Variants in JAKMIP2 observed in about 807,000 individuals in gnomAD.
The protein encoded by JAKMIP2 is janus kinase and microtubule interacting protein 2.
In JAKMIP2, 25 loss-of-function variants were observed where a neutral mutation model predicts 115.0. That is an observed-to-expected ratio of 0.22 (90% confidence interval 0.16 to 0.30). The LOEUF (loss-of-function observed/expected upper bound fraction) is 0.30. JAKMIP2 is among the 10% of genes least tolerant of loss of function. The pLI is 1.00. For missense variants in JAKMIP2, 642 were observed against 957.6 expected, an observed-to-expected ratio of 0.67 and a Z score of 4.35; for synonymous variants, 334 against 343.6, an observed-to-expected ratio of 0.97 and a Z score of 0.31.
intron 21 of JAKMIP2, among the ~76,000 whole-genome samples, chr5:147,598,462 T>TCATCTATCTATCAC (rs1554123567): frequency 6.7e-6 from 1 of 148,302 alleles, no homozygotes; most frequent in Non-Finnish European, 1.5e-5. Flanking sequence ...CTATCTATCA[T>TCATCTATCTATCAC]CTATCTATGT....
intron 16 of JAKMIP2, 96 bp downstream of exon 16, chr5:147,628,655 G>T: frequency 1.2e-6 from 1 of 864,972 alleles, no homozygotes; most frequent in Non-Finnish European, 1.9e-6. Flanking sequence ...TTCACACACA[G>T]TCATGTGCAG....
At chr5:147,764,959 AG>A (rs1755087312) in intron 1 of JAKMIP2, among the ~76,000 whole-genome samples, 1 of 80,558 alleles carries the variant, frequency 1.2e-5, no homozygotes, top group Non-Finnish European at 2.3e-5. Flanking sequence ...AGAGAGAGAG[AG>A]AGAGAGGGGG....
intron 1 of JAKMIP2, among the ~76,000 whole-genome samples, chr5:147,687,188 A>G (rs915316817): frequency 3.9e-5 from 6 of 152,236 alleles, no homozygotes; most frequent in African/African-American, 9.6e-5. Context: ...AATTGTCATT[A>G]TTGACCATTT....
intron 20 of JAKMIP2, among the ~76,000 whole-genome samples, chr5:147,603,179 C>T (rs1238362037): frequency 2.0e-5 from 3 of 152,158 alleles, no homozygotes; most frequent in Non-Finnish European, 4.4e-5. Context: ...GTCAGACACC[C>T]TGACCTCTGG....
chr5:147,767,319 C>T (rs1755191263), intron 1 of JAKMIP2, among the ~76,000 whole-genome samples: 1 of 152,148 alleles, frequency 6.6e-6, no homozygotes, highest in African/African-American at 2.4e-5. Flanking sequence ...GTCACAAAGT[C>T]ATAAACACAT....
At chr5:147,622,167 G>A (rs1223199784) in intron 17 of JAKMIP2, among the ~76,000 whole-genome samples, 2 of 152,168 alleles carry the variant, frequency 1.3e-5, no homozygotes, top group South Asian at 2.1e-4. Flanking sequence ...GTGCCCAGAC[G>A]AATCTTGTTA....
intron 7 of JAKMIP2, among the ~76,000 whole-genome samples, chr5:147,642,713 TTTTACA>T (rs1757938128): frequency 6.6e-6 from 1 of 152,084 alleles, no homozygotes; most frequent in Non-Finnish European, 1.5e-5. Context: ...TATATGAGAC[TTTTACA>T]ATTTACACAT....
chr5:147,762,358 A>G (rs1754958346), intron 1 of JAKMIP2, among the ~76,000 whole-genome samples: 1 of 152,120 alleles, frequency 6.6e-6, no homozygotes, highest in Admixed American at 6.6e-5. Flanking sequence ...TTATTTAATG[A>G]TTGGGCTGTG....
chr5:147,728,535 C>A lies in JAKMIP2; in HGVS notation c.-149+53921G>T, dbSNP rs144690111. On this transcript the variant is annotated intron_variant, in intron 1 of 21. Transcript: ENST00000616793. Reference sequence around the variant, plus strand: ...AACTGGCAAATGAAAAAAACTTACACGTACTGAAACTATTTCTGTCTGTGT... The same window carrying A: ...AACTGGCAAATGAAAAAAACTTACAAGTACTGAAACTATTTCTGTCTGTGT... Among the ~76,000 whole-genome samples, 1,166 of 152,204 alleles carry A rather than the reference C, an allele frequency of 7.7e-3. 9 individuals carry two copies. Among genetic ancestry groups the A allele is most frequent in the African/African-American group, 0.027 (1,107 of 41,520 alleles).
chr5:147,662,849 G>T (rs1469442064), intron 2 of JAKMIP2, among the ~76,000 whole-genome samples: 1 of 152,084 alleles, frequency 6.6e-6, no homozygotes, highest in Non-Finnish European at 1.5e-5. Context: ...GCTGGGCGTG[G>T]TGGCAGGCAC....
chr5:147,662,183 C>A (rs1215544837), intron 2 of JAKMIP2, among the ~76,000 whole-genome samples: 3 of 151,444 alleles, frequency 2.0e-5, no homozygotes. Context: ...CACACACACA[C>A]ACAAACAAAA....
rs1021111682 is a variant in JAKMIP2 at position 147,587,133 on chromosome 5, T to A, written c.*4574A>T. The A allele has an allele frequency of 6.6e-6, 1 of 152,180 alleles. No individual in the cohort carries two copies. Among genetic ancestry groups the A allele is most frequent in the Non-Finnish European group, 1.5e-5 (1 of 68,042 alleles). The allele number at this position is 152,180 out of a possible 1,614,324, so 9.4% of individuals were successfully genotyped here. On this transcript the variant is annotated 3_prime_UTR_variant, in exon 22 of 22. Transcript: ENST00000616793. ...GACAAGGCAGTAGAACACAATGACA[T>A]CTTTCCTCACTTAAGACCTAGAAGT...
chr5:147,630,578 C>T (rs889930677), intron 14 of JAKMIP2, among the ~76,000 whole-genome samples: 1 of 152,134 alleles, frequency 6.6e-6, no homozygotes, highest in African/African-American at 2.4e-5. Context: ...CTATGTTCTC[C>T]TCTTTCTCAT....
intron 1 of JAKMIP2, among the ~76,000 whole-genome samples, chr5:147,754,791 T>G (rs1266523421): frequency 6.6e-6 from 1 of 152,210 alleles, no homozygotes; most frequent in Non-Finnish European, 1.5e-5. Context: ...TGTGAAAACT[T>G]ATATTCTATT....
Position 147,781,436 on chromosome 5 carries a change from G to C in JAKMIP2, c.-149+1020C>G, listed in dbSNP as rs554431310. Among the ~76,000 whole-genome samples, 27 of 152,268 alleles carry C rather than the reference G, an allele frequency of 1.8e-4. No homozygotes were observed. The South Asian group carries it at 2.7e-3, about 15-fold the overall frequency. On this transcript the variant is annotated intron_variant, in intron 1 of 21. Transcript: ENST00000616793. ...TGAAAAGGTTGGGGTGGCATTTCAA[G>C]AAAACTGATTTGCTTCAACATTGAT...
At chr5:147,651,236 A>G (rs1322349440) in intron 3 of JAKMIP2, among the ~76,000 whole-genome samples, 1 of 152,148 alleles carries the variant, frequency 6.6e-6, no homozygotes, top group African/African-American at 2.4e-5. Context: ...ATTAACCACT[A>G]TTTTCCCTCC....
intron 1 of JAKMIP2, among the ~76,000 whole-genome samples, chr5:147,727,917 T>C (rs1753583009): frequency 6.6e-6 from 1 of 152,150 alleles, no homozygotes. Flanking sequence ...GGACCTAAGA[T>C]AATACAACCT....
At chr5:147,777,202 G>T (rs1453154468) in intron 1 of JAKMIP2, among the ~76,000 whole-genome samples, 1 of 152,066 alleles carries the variant, frequency 6.6e-6, no homozygotes, top group Non-Finnish European at 1.5e-5. Flanking sequence ...GGTTAACAGA[G>T]TTCATATTTC....
In JAKMIP2 at chr5:147,602,073, GA is replaced by G. The variant is rs141555210; in HGVS notation, c.2413-263del. Among the ~76,000 whole-genome samples the G allele has an allele frequency of 9.0e-3, 1,363 of 152,244 alleles. 55 individuals carry two copies. In the East Asian group the frequency reaches 0.13, roughly 14 times the overall value. On this transcript the variant is annotated intron_variant, in intron 20 of 21. Transcript: ENST00000616793. ...TCTAAGCTCCTAATTTTACAGATAA[GA>G]AAAATAAGCACAGAGCAGTAAATCA...
Sources: gnomAD v4.1 joint callset for allele counts (sites outside exome capture counted in the v4.1 genomes callset) on GRCh38, gnomAD v4.1.1 for gene constraint, MANE v1.5 for transcripts, NCBI Gene and HGNC (gene_info 2026-07-23, HGNC 2026-07-21) for gene names.